OSCP1: variants seen among roughly 807,000 people sequenced by gnomAD.
OSCP1 encodes organic solute carrier partner 1, also known as protein OSCP1.
A neutral mutation model predicts 45.1 loss-of-function variants in OSCP1; 35 were observed. That is an observed-to-expected ratio of 0.78 (90% CI 0.59 to 1.03). OSCP1 has a LOEUF of 1.03. OSCP1 is among the 50% of genes least tolerant of loss of function. The pLI is 0.00. For missense variants in OSCP1, 400 were observed against 470.7 expected, an observed-to-expected ratio of 0.85 and a Z score of 1.39; for synonymous variants, 179 against 180.1, an observed-to-expected ratio of 0.99 and a Z score of 0.05.
At chr1:36,440,399 C>T (rs61772388) in intron 1 of OSCP1, among the ~76,000 whole-genome samples, 1 of 152,124 alleles carries the variant, frequency 6.6e-6, no homozygotes, top group South Asian at 2.1e-4. Context: ...ACACACACAC[C>T]CCCGGTGACA....
chr1:36,426,944 G>C (rs1350116772), intron 4 of OSCP1, among the ~76,000 whole-genome samples: 3 of 148,756 alleles, frequency 2.0e-5, no homozygotes, highest in Admixed American at 1.3e-4. Context: ...GACCTCAAGT[G>C]ATCTGCCTGC....
At chr1:36,430,338 G>T (rs1269062362) in intron 4 of OSCP1, among the ~76,000 whole-genome samples, 1 of 152,134 alleles carries the variant, frequency 6.6e-6, no homozygotes, top group African/African-American at 2.4e-5. Context: ...ACTGTGCCTG[G>T]CTAGAAAATG....
intron 4 of OSCP1, chr1:36,428,401 ATAGTTCCC>A: frequency 1.9e-6 from 3 of 1,614,136 alleles, no homozygotes; most frequent in Non-Finnish European, 2.5e-6. Context: ...TGTCCTCCAT[ATAGTTCCC>A]CACTCCTGGA....
intron 1 of OSCP1, 124 bp from the exon 2 acceptor site, chr1:36,439,034 G>A: frequency 1.9e-6 from 2 of 1,079,414 alleles, no homozygotes; most frequent in Non-Finnish European, 2.6e-6. Context: ...TGTATGCTTG[G>A]TGAGATCAGC....
rs1388175003 is a variant in OSCP1, at chr1:36,432,360, C to A, written c.435+62G>T. ...TCTCTCTGTCATAGATCTACCTGTT[C>A]TTAACAGAGGGATGAGAAAAAGTAC... On this transcript the variant is annotated intron_variant, in intron 3 of 9. Transcript: ENST00000235532. 1.3e-5 allele frequency: 20 copies of A among 1,562,942 alleles called. No homozygotes were observed. In the Admixed American group the frequency reaches 3.2e-4, roughly 25 times the overall value.
chr1:36,425,545 C>T (rs1038339825), intron 4 of OSCP1, among the ~76,000 whole-genome samples: 6 of 152,022 alleles, frequency 3.9e-5, no homozygotes, highest in Admixed American at 2.6e-4. Context: ...CCAGCCTGGC[C>T]AACATGGTGA....
chr1:36,433,335 C>T (rs1027365781), intron 2 of OSCP1, among the ~76,000 whole-genome samples: 5 of 152,150 alleles, frequency 3.3e-5, no homozygotes, highest in African/African-American at 7.2e-5. Context: ...GGAAACAGTA[C>T]ATGTGAGGGC....
At chr1:36,423,308 A>G in intron 5 of OSCP1, 55 bp downstream of exon 5, 1 of 1,351,788 alleles carries the variant, frequency 7.4e-7, no homozygotes. Flanking sequence ...TGTGCGGCCC[A>G]TGTGCTGATT....
At chr1:36,444,031 C>A in intron 1 of OSCP1, 2 of 1,613,494 alleles carry the variant, frequency 1.2e-6, no homozygotes, top group East Asian at 4.5e-5. Context: ...TCTGTCCATT[C>A]ATCTACATGA....
intron 1 of OSCP1, among the ~76,000 whole-genome samples, chr1:36,440,166 C>T (rs1360602050): frequency 6.6e-6 from 1 of 152,220 alleles, no homozygotes; most frequent in African/African-American, 2.4e-5. Flanking sequence ...CAGATGACTG[C>T]CTGTGGCCAT....
rs10493075 is a variant in OSCP1 at position 36,448,941 on chromosome 1, C to T, written c.112+1317G>A. Among the ~76,000 whole-genome samples, 2,976 of 152,256 alleles carry T rather than the reference C, an allele frequency of 0.02. 290 individuals are homozygous for T. In the East Asian group the frequency reaches 0.29, roughly 15 times the overall value. On this transcript the variant is annotated intron_variant, in intron 1 of 9. Transcript: ENST00000235532. Reference sequence around the variant, plus strand: ...GCAGGGGCAAGTTTGGACAGATACACATTTTAGAAAGCTCATTGGCGGCAA... The same window carrying T: ...GCAGGGGCAAGTTTGGACAGATACATATTTTAGAAAGCTCATTGGCGGCAA...
rs1649347682 is a variant in OSCP1, at chr1:36,443,892, TCTTA to T, written c.113-4986_113-4983del. On this transcript the variant is annotated intron_variant, in intron 1 of 9. Coordinates refer to ENST00000235532, the MANE Select transcript of OSCP1 (RefSeq NM_145047.5). ...GCTAAAGACAAACTCATGCCTATTT[TCTTA>T]CTTTGACTTTGAAATGTTTCAAGCG... 5 of 1,240,736 alleles carry T rather than the reference TCTTA, an allele frequency of 4.0e-6. No homozygotes were observed. The East Asian group carries it at 1.2e-4, about 29-fold the overall frequency. The allele number at this position is 1,240,736 out of a possible 1,614,324, so 76.9% of individuals were successfully genotyped here. A position where few individuals can be genotyped will look rare whatever the true frequency, so the allele number is the denominator to read the frequency against.
intron 4 of OSCP1, among the ~76,000 whole-genome samples, chr1:36,430,549 C>T (rs1263900961): frequency 6.6e-6 from 1 of 151,724 alleles, no homozygotes; most frequent in East Asian, 2.0e-4. Context: ...GGAGGAGGAT[C>T]ATTTGAGCCC....
At position 36,447,035 on chromosome 1, in the gene OSCP1, A is replaced by G. The variant is rs972190741; in HGVS notation, c.112+3223T>C. Reference sequence around the variant, plus strand: ...CTGCCTTGGCCTTGTGGGAACAGGGATGGCCTCCAGGAGACCAATTAGTCG... The same window carrying G: ...CTGCCTTGGCCTTGTGGGAACAGGGGTGGCCTCCAGGAGACCAATTAGTCG... On this transcript the variant is annotated intron_variant, in intron 1 of 9. Transcript: ENST00000235532. The surrounding 1 kb of genome is among the most constrained non-coding windows in gnomAD (Gnocchi z 4.1). Among the ~76,000 whole-genome samples, 6 of 152,312 alleles carry G rather than the reference A, an allele frequency of 3.9e-5. No homozygotes were observed. The South Asian group carries it at 1.2e-3, about 32-fold the overall frequency.
At chr1:36,443,861 A>G in intron 1 of OSCP1, 1 of 879,300 alleles carries the variant, frequency 1.1e-6, no homozygotes, top group Non-Finnish European at 1.8e-6. Context: ...TATAACCAAT[A>G]TCTCAGCTAA....
At chr1:36,418,687 C>T (rs533577508) in intron 9 of OSCP1, 7 of 342,764 alleles carry the variant, frequency 2.0e-5, no homozygotes, top group South Asian at 1.0e-4. Context: ...GAGGCCAAGG[C>T]GGGTGGATCA....
chr1:36,450,034 C>T (rs942753150), intron 1 of OSCP1, among the ~76,000 whole-genome samples: 1 of 151,378 alleles, frequency 6.6e-6, no homozygotes, highest in Non-Finnish European at 1.5e-5. Flanking sequence ...GGAGGTCAGG[C>T]ACCCTAGTGT....
At position 36,441,918 on chromosome 1, in the gene OSCP1, C is replaced by T. The variant is rs1020241641; in HGVS notation, c.113-3008G>A. ...CACGAGGCCGGAATATACTAGGAGC[C>T]GGATTTCAATAGGAAGAGGCTAAGG... On this transcript the variant is annotated intron_variant, in intron 1 of 9. Coordinates refer to ENST00000235532, the MANE Select transcript of OSCP1 (RefSeq NM_145047.5). 5.3e-5 allele frequency among the ~76,000 whole-genome samples: 8 copies of T among 151,210 alleles called. 1 individual carries two copies. The highest frequency in any genetic ancestry group is 4.6e-4 in the Admixed American group (7 of 15,178).
At chr1:36,448,027 C>T in intron 1 of OSCP1, 1 of 323,708 alleles carries the variant, frequency 3.1e-6, no homozygotes, top group Non-Finnish European at 6.5e-6. Flanking sequence ...CTTGTCCAGA[C>T]CTCCTCTTGA....
Sources: gnomAD v4.1 joint callset for allele counts (sites outside exome capture counted in the v4.1 genomes callset) on GRCh38, gnomAD v4.1.1 for gene constraint, Gnocchi (gnomAD v3.1) non-coding constraint, MANE v1.5 for transcripts, NCBI Gene and HGNC (gene_info 2026-07-23, HGNC 2026-07-21) for gene names.